Variants in ZNF778 observed in about 807,000 individuals in gnomAD.
ZNF778 encodes zinc finger protein 778.
Under a neutral mutation model 23.9 loss-of-function variants are expected in ZNF778, and 37 were observed. That is an observed-to-expected ratio of 1.54 (90% CI 1.19 to 2.03). ZNF778 has a LOEUF of 2.03. Ranked by LOEUF, ZNF778 falls within the 30% of genes most tolerant of loss-of-function variation. ZNF778 has a pLI of 0.00. For synonymous variants in ZNF778, 483 were observed against 343.9 expected, an observed-to-expected ratio of 1.40 and a Z score of -4.48; for missense variants, 1,297 against 934.4, an observed-to-expected ratio of 1.39 and a Z score of -5.06.
chr16:89,227,865 C>G lies in ZNF778; in HGVS notation c.1577C>G (p.Thr526Arg). The change falls in exon 7 of 7, where the codon ACA becomes AGA. Residue 526 changes from threonine (T) to arginine (R), a missense_variant. Coordinates refer to ENST00000433976, the MANE Select transcript of ZNF778 (RefSeq NM_001201407.2). ...GRSGLTKHMR[T>R]HTGEKPYECK... ...TCAGGCCTCACTAAACACATGCGGA[C>G]ACACACCGGGGAGAAGCCCTATGAA... The G allele has an allele frequency of 1.9e-6, 3 of 1,614,132 alleles. No homozygotes were observed. The highest frequency in any genetic ancestry group is 2.5e-6 in the Non-Finnish European group (3 of 1,180,026).
At position 89,221,161 on chromosome 16, in the gene ZNF778, T is replaced by C. The variant is rs1274697022; in HGVS notation, c.25+9T>C. On this transcript the variant is annotated intron_variant, in intron 2 of 6. Coordinates refer to ENST00000433976, the MANE Select transcript of ZNF778 (RefSeq NM_001201407.2). ...CCCTGACCTGGCCCACGGTAAGTCC[T>C]GGTGGGGCTCCTTCTCAGAGCCTCT... The C allele has an allele frequency of 3.8e-6, 6 of 1,559,812 alleles. No homozygotes were observed. The highest frequency in any genetic ancestry group is 1.2e-5 in the South Asian group (1 of 84,568).
At chr16:89,219,445 T>C (rs112810430) in intron 1 of ZNF778, among the ~76,000 whole-genome samples, 1 of 152,282 alleles carries the variant, frequency 6.6e-6, no homozygotes, top group Non-Finnish European at 1.5e-5. Context: ...AGGTCTCAGA[T>C]GGCTGAGTTC....
Position 89,221,280 on chromosome 16 carries a change from C to T in ZNF778, c.25+128C>T, listed in dbSNP as rs556298826. 40 of 1,080,274 alleles carry T rather than the reference C, an allele frequency of 3.7e-5. No individual in the cohort carries two copies. The African/African-American group carries it at 3.9e-4, about 11-fold the overall frequency. The allele number at this position is 1,080,274 out of a possible 1,614,324, so 66.9% of individuals were successfully genotyped here. A position where few individuals can be genotyped will look rare whatever the true frequency, so the allele number is the denominator to read the frequency against. Reference sequence around the variant, plus strand: ...TTCCTATTGCAGCTGCTGGAGTGAGCCAGAGAATGCTGACCTGTAAGTCAG... The same window carrying T: ...TTCCTATTGCAGCTGCTGGAGTGAGTCAGAGAATGCTGACCTGTAAGTCAG... On this transcript the variant is annotated intron_variant, in intron 2 of 6. Transcript: ENST00000433976.
In ZNF778 at chr16:89,229,255, G is replaced by C; in HGVS notation, c.*693G>C. The C allele has an allele frequency of 1.0e-6, 1 of 985,648 alleles. No individual in the cohort carries two copies. The highest frequency in any genetic ancestry group is 1.2e-6 in the Non-Finnish European group (1 of 830,098). 61.1% of individuals were successfully genotyped at this position (985,648 alleles called of 1,614,324 possible). A position where few individuals can be genotyped will look rare whatever the true frequency, so the allele number is the denominator to read the frequency against. On this transcript the variant is annotated 3_prime_UTR_variant, in exon 7 of 7. Coordinates refer to ENST00000433976, the MANE Select transcript of ZNF778 (RefSeq NM_001201407.2). ...CTTGAGGATCCAGATGTGATTCTTT[G>C]AGCAGCGTAGGCTCTGGTTGGTTAG...
rs1055273681 is a variant in ZNF778, at chr16:89,229,611, A to G, written c.*1049A>G. The G allele has an allele frequency of 2.0e-6, 2 of 984,258 alleles. No individual in the cohort carries two copies. Among genetic ancestry groups the G allele is most frequent in the Non-Finnish European group, 2.4e-6 (2 of 829,876 alleles). 61.0% of individuals were successfully genotyped at this position (984,258 alleles called of 1,614,324 possible). On this transcript the variant is annotated 3_prime_UTR_variant, in exon 7 of 7. Transcript: ENST00000433976. ...TGGTTGGTTAGTCTTGAGGATCCAG[A>G]TGTGATTCTGTGAGCAGCGTAGGCT...
chr16:89,223,279 A>C lies in ZNF778; in HGVS notation c.240A>C (p.Ser80=). Residue 80 remains serine, a synonymous_variant, in exon 4 of 7, where the codon TCA becomes TCC. Transcript: ENST00000433976. The part of the protein sequence containing the change: ...VMLENYENLA[S]VGHHLFQPSV... ...TGGAAAACTACGAGAACCTGGCCTC[A>C]GTAGGTGAGGCTGCCACCGTCCTTT... The C allele has an allele frequency of 8.1e-6, 13 of 1,613,956 alleles. No homozygotes were observed. The highest frequency in any genetic ancestry group is 1.0e-5 in the Non-Finnish European group (12 of 1,179,970).
In ZNF778 at chr16:89,233,480, TCACA is replaced by T; in HGVS notation, c.*4920_*4923del. The T allele has an allele frequency of 2.3e-6, 2 of 863,904 alleles. No individual in the cohort carries two copies. Among genetic ancestry groups the T allele is most frequent in the Non-Finnish European group, 2.8e-6 (2 of 720,940 alleles). The allele number at this position is 863,904 out of a possible 1,614,324, so 53.5% of individuals were successfully genotyped here. Reference sequence around the variant, plus strand: ...ACTCGCACTGCGTGTGCAACTCAACTCACACTGCGTATGCAACTCAGCTTGCTCT... The same window carrying T: ...ACTCGCACTGCGTGTGCAACTCAACTCTGCGTATGCAACTCAGCTTGCTCT... On this transcript the variant is annotated 3_prime_UTR_variant, in exon 7 of 7. Coordinates refer to ENST00000433976, the MANE Select transcript of ZNF778 (RefSeq NM_001201407.2).
In ZNF778 at chr16:89,233,325, CGCTCTGCGT is replaced by C. The variant is rs752705288; in HGVS notation, c.*4764_*4772del. On this transcript the variant is annotated 3_prime_UTR_variant, in exon 7 of 7. Coordinates refer to ENST00000433976, the MANE Select transcript of ZNF778 (RefSeq NM_001201407.2). ...CTCGCTCTGCGTATGCAACTCAGCT[CGCTCTGCGT>C]ATGCAACTCAGCTCGCACTGCGTAT... 32 of 1,282,216 alleles carry C rather than the reference CGCTCTGCGT, an allele frequency of 2.5e-5. 1 individual carries two copies. In the African/African-American group the frequency reaches 5.0e-4, roughly 20 times the overall value. 79.4% of individuals were successfully genotyped at this position (1,282,216 alleles called of 1,614,324 possible).
In ZNF778 at chr16:89,228,790, C is replaced by G; in HGVS notation, c.*228C>G. ...TATGGATGGTATCCAGTAGAGAGAA[C>G]TCTATTGATGTGTGATATGCAGCAG... On this transcript the variant is annotated 3_prime_UTR_variant, in exon 7 of 7. Coordinates refer to ENST00000433976, the MANE Select transcript of ZNF778 (RefSeq NM_001201407.2). 1 of 1,323,400 alleles carries G rather than the reference C, an allele frequency of 7.6e-7. No homozygotes were observed. The highest frequency in any genetic ancestry group is 9.6e-7 in the Non-Finnish European group (1 of 1,039,000). 82.0% of individuals were successfully genotyped at this position (1,323,400 alleles called of 1,614,324 possible).
At chr16:89,226,288 C>G (rs917903925) in intron 6 of ZNF778, among the ~76,000 whole-genome samples, 14 of 152,138 alleles carry the variant, frequency 9.2e-5, no homozygotes, top group African/African-American at 2.7e-4. Context: ...TCGCCGCAAC[C>G]TCTGCCTCCC....
At chr16:89,222,960 A>C (rs565811094) in intron 3 of ZNF778, among the ~76,000 whole-genome samples, 197 bp from the exon 4 acceptor site, 20 of 48,390 alleles carry the variant, frequency 4.1e-4, no homozygotes, top group East Asian at 9.2e-4. Flanking sequence ...ACTGGAGGAG[A>C]GCGACAGGGT....
Position 89,233,900 on chromosome 16 carries a change from C to G in ZNF778, c.*5338C>G. On this transcript the variant is annotated 3_prime_UTR_variant, in exon 7 of 7. Coordinates refer to ENST00000433976, the MANE Select transcript of ZNF778 (RefSeq NM_001201407.2). ...CAGTATTTCTCCTCCCTGAAGTCAGCCCAGGATGAGGCACTAGACAGCAGG... is the reference window on the plus strand; with the variant it reads ...CAGTATTTCTCCTCCCTGAAGTCAGGCCAGGATGAGGCACTAGACAGCAGG... The G allele has an allele frequency of 7.8e-7, 1 of 1,289,528 alleles. No individual in the cohort carries two copies. The highest frequency in any genetic ancestry group is 1.0e-6 in the Non-Finnish European group (1 of 988,922). The allele number at this position is 1,289,528 out of a possible 1,614,324, so 79.9% of individuals were successfully genotyped here.
rs2032214567 is a variant in ZNF778 at position 89,235,691 on chromosome 16, T to G, written c.*7129T>G. On this transcript the variant is annotated 3_prime_UTR_variant, in exon 7 of 7. Transcript: ENST00000433976. ...GTGCAACAGCCTTGGGGAGCAGTGT[T>G]ATGATACCAAATGGCTAACATTCAT... The G allele has an allele frequency of 6.6e-6, 1 of 152,224 alleles. No homozygotes were observed. Among genetic ancestry groups the G allele is most frequent in the South Asian group, 2.1e-4 (1 of 4,834 alleles). 9.4% of individuals were successfully genotyped at this position (152,224 alleles called of 1,614,324 possible). A position where few individuals can be genotyped will look rare whatever the true frequency, so the allele number is the denominator to read the frequency against.
intron 2 of ZNF778, among the ~76,000 whole-genome samples, chr16:89,221,582 G>GCT (rs530807564): frequency 0.032 from 2,734 of 85,272 alleles, 102 homozygotes; most frequent in East Asian, 0.24. Context: ...GCACTGTATG[G>GCT]CTGTGTGTGT....
rs774146923 is a variant in ZNF778, at chr16:89,226,814, A to T, written c.526A>T (p.Asn176Tyr). The T allele has an allele frequency of 1.1e-5, 18 of 1,613,900 alleles. No individual in the cohort carries two copies. Among genetic ancestry groups the T allele is most frequent in the Non-Finnish European group, 1.5e-5 (18 of 1,179,902 alleles). Residue 176 changes from asparagine (N) to tyrosine (Y), a missense_variant, in exon 7 of 7, where the codon AAT becomes TAT. Transcript: ENST00000433976. ...AAATACAGGAGACAGTTGTGTGTCT[A>T]ATCATTATGAAAGGGACTTTTTTAT... The part of the protein sequence containing the change: ...TQNTGDSCVS[N>Y]HYERDFFIPC...
intron 4 of ZNF778, among the ~76,000 whole-genome samples, chr16:89,223,871 C>G (rs1350111282): frequency 4.1e-5 from 2 of 48,622 alleles, no homozygotes; most frequent in Non-Finnish European, 9.5e-5. Context: ...GAGACTCCAT[C>G]TCAAAAAAAA....
chr16:89,228,989 G>T lies in ZNF778; in HGVS notation c.*427G>T. ...TGTTGTGAATGTATGGAAGATAGCA[G>T]TCGCTTCCCTGTGTTCTAAAACCTT... On this transcript the variant is annotated 3_prime_UTR_variant, in exon 7 of 7. Transcript: ENST00000433976. 2.0e-6 allele frequency: 2 copies of T among 995,092 alleles called. No homozygotes were observed. Among genetic ancestry groups the T allele is most frequent in the Non-Finnish European group, 2.4e-6 (2 of 836,076 alleles). 61.6% of individuals were successfully genotyped at this position (995,092 alleles called of 1,614,324 possible).
chr16:89,233,815 A>T lies in ZNF778; in HGVS notation c.*5253A>T. The T allele has an allele frequency of 7.7e-7, 1 of 1,291,408 alleles. No individual in the cohort carries two copies. Among genetic ancestry groups the T allele is most frequent in the Non-Finnish European group, 1.0e-6 (1 of 990,140 alleles). 80.0% of individuals were successfully genotyped at this position (1,291,408 alleles called of 1,614,324 possible). A position where few individuals can be genotyped will look rare whatever the true frequency, so the allele number is the denominator to read the frequency against. ...CAACTCAGCTCGCACTGCGTATGCA[A>T]CTCAACTGTTGCAAGTACTTATTTC... On this transcript the variant is annotated 3_prime_UTR_variant, in exon 7 of 7. Transcript: ENST00000433976.
rs141631878 is a variant in ZNF778 at position 89,231,812 on chromosome 16, C to T, written c.*3250C>T. On this transcript the variant is annotated 3_prime_UTR_variant, in exon 7 of 7. Coordinates refer to ENST00000433976, the MANE Select transcript of ZNF778 (RefSeq NM_001201407.2). Reference sequence around the variant, plus strand: ...ACTGTCTCCCCAGTGCCTTCTCCTCCGCTGCAGCTTTCCATCTCATCTCCT... The same window carrying T: ...ACTGTCTCCCCAGTGCCTTCTCCTCTGCTGCAGCTTTCCATCTCATCTCCT... The T allele has an allele frequency of 4.4e-3, 677 of 152,314 alleles. 3 individuals carry two copies. The highest frequency in any genetic ancestry group is 7.5e-3 in the Non-Finnish European group (509 of 68,050). 9.4% of individuals were successfully genotyped at this position (152,314 alleles called of 1,614,324 possible).
Sources: gnomAD v4.1 joint callset for allele counts (sites outside exome capture counted in the v4.1 genomes callset) on GRCh38, gnomAD v4.1.1 for gene constraint, MANE v1.5 for transcripts, NCBI Gene and HGNC (gene_info 2026-07-23, HGNC 2026-07-21) for gene names.